The following MDN1 variants were observed in gnomAD, a reference collection of about 807,000 sequenced individuals.
The protein encoded by MDN1 is midasin AAA ATPase 1, also known as midasin.
In MDN1, 266 loss-of-function variants were observed where a neutral mutation model predicts 669.2. The observed-to-expected ratio is 0.40, with a 90% CI of 0.36 to 0.44. MDN1 has a LOEUF of 0.44. Among genes scored for constraint, MDN1 ranks in the 20% least tolerant of loss-of-function variants. MDN1 has a pLI of 1.00. For missense variants in MDN1, 5,940 were observed against 6,754.0 expected, an observed-to-expected ratio of 0.88 and a Z score of 4.22; for synonymous variants, 2,385 against 2,457.1, an observed-to-expected ratio of 0.97 and a Z score of 0.87.
chr6:89,696,711 G>C, intron 59 of MDN1, 137 bp from the exon 60 acceptor site: 2 of 648,786 alleles, frequency 3.1e-6, no homozygotes, highest in Non-Finnish European at 5.4e-6. Context: ...GACTGGCCTA[G>C]AAGGACAGAA....
chr6:89,804,180 G>T (rs1019519322), intron 1 of MDN1, among the ~76,000 whole-genome samples: 1 of 152,056 alleles, frequency 6.6e-6, no homozygotes, highest in East Asian at 1.9e-4. Context: ...AAAGTGCTGG[G>T]ATTACAGGCG....
chr6:89,769,138 A>G lies in MDN1; in HGVS notation c.2144+2423T>C, dbSNP rs947671678. 9.9e-5 allele frequency among the ~76,000 whole-genome samples: 15 copies of G among 152,172 alleles called. 1 individual carries two copies. Among genetic ancestry groups the G allele is most frequent in the African/African-American group, 3.4e-4 (14 of 41,448 alleles). On this transcript the variant is annotated intron_variant, in intron 15 of 101. Coordinates refer to ENST00000369393, the MANE Select transcript of MDN1 (RefSeq NM_014611.3). ...ATGCAAAATATATTTAACATAACTTATAAAACAGATGAAACCAGCAACACG... is the reference window on the plus strand; with the variant it reads ...ATGCAAAATATATTTAACATAACTTGTAAAACAGATGAAACCAGCAACACG...
Position 89,699,837 on chromosome 6 carries a change from A to AT in MDN1, c.8871-111_8871-110insA, listed in dbSNP as rs1813020027. 18 of 1,243,442 alleles carry AT rather than the reference A, an allele frequency of 1.4e-5. 1 individual carries two copies. The African/African-American group carries it at 2.7e-4, about 19-fold the overall frequency. The allele number at this position is 1,243,442 out of a possible 1,614,324, so 77.0% of individuals were successfully genotyped here. On this transcript the variant is annotated intron_variant, in intron 57 of 101. Transcript: ENST00000369393. ...ATAAAACTTACAGTACATTTATCTA[A>AT]AAATGAACAACTCTACTGATAAAAT...
At chr6:89,734,863 A>C (rs946609199) in intron 33 of MDN1, among the ~76,000 whole-genome samples, 2 of 151,450 alleles carry the variant, frequency 1.3e-5, no homozygotes, top group African/African-American at 2.4e-5. Flanking sequence ...AATATAACAC[A>C]AGGAAATCAT....
rs191216992 is a variant in MDN1 at position 89,749,464 on chromosome 6, A to C, written c.3615+79T>G. The C allele has an allele frequency of 2.2e-4, 353 of 1,595,046 alleles. No homozygotes were observed. The African/African-American group carries it at 4.4e-3, about 20-fold the overall frequency. On this transcript the variant is annotated intron_variant, in intron 25 of 101. Coordinates refer to ENST00000369393, the MANE Select transcript of MDN1 (RefSeq NM_014611.3). ...ACCATAAAATATTAAAGGAGAAGTAAAAACATTTCATTCTTACTACGAAAA... is the reference window on the plus strand; with the variant it reads ...ACCATAAAATATTAAAGGAGAAGTACAAACATTTCATTCTTACTACGAAAA...
At chr6:89,789,200 C>A (rs1269792116) in intron 7 of MDN1, among the ~76,000 whole-genome samples, 2 of 152,056 alleles carry the variant, frequency 1.3e-5, no homozygotes, top group Non-Finnish European at 2.9e-5. Context: ...TTTCATCCTG[C>A]AATACATTTT....
chr6:89,778,932 A>AAATAAAT (rs202203285), intron 11 of MDN1, among the ~76,000 whole-genome samples: 2 of 133,998 alleles, frequency 1.5e-5, no homozygotes, highest in South Asian at 2.3e-4. Context: ...ATAAATAAAT[A>AAATAAAT]AAAAAAAAGG....
Position 89,654,206 on chromosome 6 carries a change from G to T in MDN1, c.15619C>A (p.Leu5207Met). 1 of 1,614,218 alleles carries T rather than the reference G, an allele frequency of 6.2e-7. No homozygotes were observed. The highest frequency in any genetic ancestry group is 8.5e-7 in the Non-Finnish European group (1 of 1,180,044). ...CCCGACTTGATTTCCTCTGGCTTCA[G>T]CTGCTCCACGTCTGCTGCTTTGAAC... ...EEFKAADVEQ[L>M]KPEEIKSGTT... The change falls in exon 93 of 102, where the codon CTG becomes ATG. Residue 5207 changes from leucine (L) to methionine (M), a missense_variant. Transcript: ENST00000369393.
chr6:89,683,176 T>A lies in MDN1; in HGVS notation c.12058A>T (p.Arg4020Trp), dbSNP rs1055993238. ...GCTAACAGGGTCTCCCTCAGTGCCC[T>A]GTTCAGATTCTGAATGGAAGACAGT... Reference protein sequence around the residue: ...SELSSIQNLNRALRETLLAQP... With the variant: ...SELSSIQNLNWALRETLLAQP... Residue 4020 changes from arginine (R) to tryptophan (W), a missense_variant, in exon 73 of 102, where the codon AGG becomes TGG. Transcript: ENST00000369393. 1.9e-6 allele frequency: 3 copies of A among 1,614,034 alleles called. No individual in the cohort carries two copies. Among genetic ancestry groups the A allele is most frequent in the Admixed American group, 3.3e-5 (2 of 59,990 alleles).
In MDN1 at chr6:89,675,561, C is replaced by G. The variant is rs199509594; in HGVS notation, c.12664G>C (p.Val4222Leu). 6.2e-7 allele frequency: 1 copy of G among 1,613,880 alleles called. No homozygotes were observed. Among genetic ancestry groups the G allele is most frequent in the East Asian group, 2.2e-5 (1 of 44,868 alleles). ...TPAKEMGMGNVERCRGFSAHL... is the reference protein window; with the variant it reads ...TPAKEMGMGNLERCRGFSAHL... Reference sequence around the variant, plus strand: ...GCTGAGAACCCTCTGCACCTCTCCACGTTGCCCATGCCCATTTCCTGGCAG... The same window carrying G: ...GCTGAGAACCCTCTGCACCTCTCCAGGTTGCCCATGCCCATTTCCTGGCAG... The change falls in exon 78 of 102, where the codon GTG (valine) becomes CTG (leucine). Residue 4222 changes from valine to leucine, a missense_variant. By Grantham distance (32) the Val-to-Leu change is conservative. Coordinates refer to ENST00000369393, the MANE Select transcript of MDN1 (RefSeq NM_014611.3).
chr6:89,811,392 T>C (rs1768404125), intron 1 of MDN1, among the ~76,000 whole-genome samples: 1 of 152,104 alleles, frequency 6.6e-6, no homozygotes, highest in South Asian at 2.1e-4. Context: ...TGGCTTGCTA[T>C]TGTAGGAAAT....
In MDN1 at chr6:89,819,554, G is replaced by C; in HGVS notation, c.54C>G (p.Ala18=). Residue 18 remains alanine (A), a synonymous_variant, in exon 1 of 102, where the codon GCC becomes GCG. Transcript: ENST00000369393. ...ACTCACTGCGGCTCTTCTCGTTCTT[G>C]GCTGCGATTAACCGCAGCGGCGCGG... The part of the protein sequence containing the change: ...VAAAPLRLIA[A]KNEKSRSELG... 1 of 1,604,792 alleles carries C rather than the reference G, an allele frequency of 6.2e-7. No individual in the cohort carries two copies. The highest frequency in any genetic ancestry group is 1.1e-5 in the South Asian group (1 of 91,082).
chr6:89,727,326 A>T (rs1172812673), intron 37 of MDN1, among the ~76,000 whole-genome samples: 2 of 152,042 alleles, frequency 1.3e-5, no homozygotes, highest in Non-Finnish European at 2.9e-5. Flanking sequence ...CCCCAAACTG[A>T]CCCAGCTCCA....
In MDN1 at chr6:89,749,681, A is replaced by G; in HGVS notation, c.3477T>C (p.Asp1159=). The G allele has an allele frequency of 1.9e-6, 3 of 1,614,000 alleles. No homozygotes were observed. The highest frequency in any genetic ancestry group is 2.5e-6 in the Non-Finnish European group (3 of 1,179,878). Residue 1159 remains aspartate (D), a synonymous_variant, in exon 25 of 102, where the codon GAT becomes GAC. Transcript: ENST00000369393. ...ILDELNLAPT[D]VLEALNRLLD... ...ACAGCCTATTCAGCGCCTCTAACAC[A>G]TCAGTAGGGGCCAAATTTAATTCAT... is the stretch of plus-strand genomic sequence containing the variant.
At chr6:89,781,255 G>A (rs1276826746) in intron 10 of MDN1, 144 bp downstream of exon 10, 3 of 723,520 alleles carry the variant, frequency 4.1e-6, no homozygotes, top group Non-Finnish European at 7.0e-6. Context: ...TTTACTTCTA[G>A]CTGGTAAGAA....
chr6:89,790,325 C>T lies in MDN1; in HGVS notation c.932G>A (p.Ser311Asn), dbSNP rs2128326446. The T allele has an allele frequency of 6.2e-7, 1 of 1,614,130 alleles. No individual in the cohort carries two copies. Among genetic ancestry groups the T allele is most frequent in the Non-Finnish European group, 8.5e-7 (1 of 1,180,032 alleles). Residue 311 changes from serine to asparagine, a missense_variant, in exon 6 of 102, where the codon AGT becomes AAT. Ser to Asn is a conservative substitution (Grantham distance 46). This residue lies in a region of MDN1 where 1,203 missense variants were observed against 1,268.9 expected (regional missense o/e 0.95). Transcript: ENST00000369393. The part of the protein sequence containing the change: ...SYVLVESVCK[S>N]LQTLAMAVAS... ...AACCGCCATAGCCAGGGTCTGAAGA[C>T]TTTTGCAGACAGACTCAACCAGCAC...
rs778705375 is a variant in MDN1, at chr6:89,644,167, C to G, written c.16629G>C (p.Pro5543=). The change falls in exon 102 of 102, where the codon CCG becomes CCC. Residue 5543 remains proline, a synonymous_variant. Coordinates refer to ENST00000369393, the MANE Select transcript of MDN1 (RefSeq NM_014611.3). ...GCATCTCTCCAGGTCCTTTAAATAT[C>G]GGTACTTTAATGTCCAAGATAGAAT... ...SRDSILDIKV[P]IFKGPGEMPE... The G allele has an allele frequency of 6.2e-6, 10 of 1,612,322 alleles. No homozygotes were observed.
Position 89,658,925 on chromosome 6 carries a change from G to C in MDN1, c.14714-8C>G. On this transcript the variant is annotated splice_region_variant and splice_polypyrimidine_tract_variant and intron_variant, in intron 88 of 101. Transcript: ENST00000369393. ...TCTCCAAAGGATTCTCTTCTGTATA[G>C]ATACAACAAAAAGGAGGAGTGCAGA... The C allele has an allele frequency of 6.3e-7, 1 of 1,579,248 alleles. No homozygotes were observed. The highest frequency in any genetic ancestry group is 2.2e-5 in the East Asian group (1 of 44,470).
chr6:89,782,091 T>C (rs564855215), intron 9 of MDN1, among the ~76,000 whole-genome samples: 156 of 152,296 alleles, frequency 1.0e-3, no homozygotes, highest in Non-Finnish European at 1.5e-3. Flanking sequence ...CACTCAATCA[T>C]GATGATTTTC....
Sources: allele counts gnomAD v4.1 joint callset (sites outside exome capture counted in the v4.1 genomes callset), GRCh38; gene constraint gnomAD v4.1.1; regional missense constraint gnomAD v4.1.1; transcripts MANE v1.5; gene names NCBI Gene and HGNC (gene_info 2026-07-23, HGNC 2026-07-21).